ZKSCAN5: variants seen among roughly 807,000 people sequenced by gnomAD.
The protein encoded by ZKSCAN5 is zinc finger protein with KRAB and SCAN domains 5.
Under a neutral mutation model 60.0 loss-of-function variants are expected in ZKSCAN5, and 28 were observed. The ratio of observed to expected loss-of-function variants is 0.47; its 90% CI spans 0.35 to 0.64. The LOEUF is 0.64. Ranked by LOEUF, ZKSCAN5 falls within the 30% of genes least tolerant of loss-of-function variation. ZKSCAN5 has a pLI of 0.01. For missense variants in ZKSCAN5, 881 were observed against 1,034.6 expected (o/e 0.85, Z 2.04); for synonymous variants, 361 against 371.2 (o/e 0.97, Z 0.31).
intron 2 of ZKSCAN5, among the ~76,000 whole-genome samples, chr7:99,510,315 C>T (rs1236357712): frequency 6.6e-6 from 1 of 152,046 alleles, no homozygotes; most frequent in African/African-American, 2.4e-5. Context: ...TCTTGGCTTA[C>T]TGCAACCTCT....
chr7:99,518,785 C>G (rs554272429), intron 3 of ZKSCAN5, among the ~76,000 whole-genome samples: 21 of 146,458 alleles, frequency 1.4e-4, no homozygotes, highest in Non-Finnish European at 2.7e-4. Flanking sequence ...AAGTGATTCT[C>G]CTGCCTCAGT....
chr7:99,517,668 G>A (rs979113095), intron 3 of ZKSCAN5, among the ~76,000 whole-genome samples: 3 of 151,936 alleles, frequency 2.0e-5, no homozygotes, highest in African/African-American at 7.2e-5. Context: ...GCAACAGAGC[G>A]AGACTCCATC....
In ZKSCAN5 at chr7:99,534,699, A is replaced by G. The variant is rs1374865864; in HGVS notation, c.*2450A>G. The G allele has an allele frequency of 3.4e-5, 5 of 147,298 alleles. No individual in the cohort carries two copies. The highest frequency in any genetic ancestry group is 1.3e-4 in the African/African-American group (5 of 38,614). The allele number at this position is 147,298 out of a possible 1,614,324, so 9.1% of individuals were successfully genotyped here. ...TAAAAAAAAAAAAAAAAAAAAAAAA[A>G]ACATTTTTTGGAGAGATGGTATCTC... is the stretch of plus-strand genomic sequence containing the variant. On this transcript the variant is annotated 3_prime_UTR_variant, in exon 7 of 7. Coordinates refer to ENST00000326775, the MANE Select transcript of ZKSCAN5 (RefSeq NM_145102.4).
At chr7:99,507,038 G>A (rs1800769141) in intron 2 of ZKSCAN5, among the ~76,000 whole-genome samples, 1 of 151,938 alleles carries the variant, frequency 6.6e-6, no homozygotes, top group Middle Eastern at 3.2e-3. Context: ...AATTCAAAGA[G>A]GTACATAAGG....
At chr7:99,530,374 G>A (rs558301200) in intron 6 of ZKSCAN5, among the ~76,000 whole-genome samples, 1 of 152,210 alleles carries the variant, frequency 6.6e-6, no homozygotes, top group Admixed American at 6.5e-5. Context: ...CAGGAGTAAG[G>A]CAGTACCTTA....
In ZKSCAN5 at chr7:99,533,728, TC is replaced by T. The variant is rs1339743135; in HGVS notation, c.*1480del. 7.5e-6 allele frequency: 3 copies of T among 398,586 alleles called. No individual in the cohort carries two copies. Among genetic ancestry groups the T allele is most frequent in the African/African-American group, 6.2e-5 (3 of 48,658 alleles). The allele number at this position is 398,586 out of a possible 1,614,324, so 24.7% of individuals were successfully genotyped here. On this transcript the variant is annotated 3_prime_UTR_variant, in exon 7 of 7. Coordinates refer to ENST00000326775, the MANE Select transcript of ZKSCAN5 (RefSeq NM_145102.4). ...TTGGATCAGGCCAAGCTAGACTTTT[TC>T]TGAGCCTTCATCCGTGCTAAGCTCT...
Position 99,531,871 on chromosome 7 carries a change from G to A in ZKSCAN5, c.2142G>A (p.Glu714=), listed in dbSNP as rs1162967044. The A allele has an allele frequency of 6.2e-7, 1 of 1,614,170 alleles. No homozygotes were observed. The highest frequency in any genetic ancestry group is 1.7e-5 in the Admixed American group (1 of 60,022). The part of the protein sequence containing the change: ...VIEDKKIELQ[E]QPYQCDICGK... ...AAGACAAGAAGATTGAGTTACAAGA[G>A]CAGCCTTATCAGTGTGATATCTGTG... is the stretch of plus-strand genomic sequence containing the variant. The change falls in exon 7 of 7, where the codon GAG becomes GAA. Residue 714 remains glutamate, a synonymous_variant. Coordinates refer to ENST00000326775, the MANE Select transcript of ZKSCAN5 (RefSeq NM_145102.4).
At chr7:99,513,302 G>A (rs935671595) in intron 3 of ZKSCAN5, among the ~76,000 whole-genome samples, 13 of 151,762 alleles carry the variant, frequency 8.6e-5, no homozygotes, top group African/African-American at 3.1e-4. Flanking sequence ...AACCTACAAC[G>A]CAAATGATGA....
Position 99,526,069 on chromosome 7 carries a change from G to A in ZKSCAN5, c.1029G>A (p.Glu343=). 1 of 1,614,224 alleles carries A rather than the reference G, an allele frequency of 6.2e-7. No homozygotes were observed. Among genetic ancestry groups the A allele is most frequent in the Non-Finnish European group, 8.5e-7 (1 of 1,180,042 alleles). Residue 343 remains glutamate (E), a synonymous_variant, in exon 6 of 7, where the codon GAG becomes GAA. Transcript: ENST00000326775. ...DISPKQSTHG[E]RGHRCSDCGK... Reference sequence around the variant, plus strand: ...GCCCTAAGCAAAGCACACATGGCGAGAGAGGGCACAGATGCAGCGATTGTG... The same window carrying A: ...GCCCTAAGCAAAGCACACATGGCGAAAGAGGGCACAGATGCAGCGATTGTG...
intron 2 of ZKSCAN5, 58 bp downstream of exon 2, chr7:99,506,516 C>T: frequency 1.3e-6 from 2 of 1,531,898 alleles, no homozygotes; most frequent in Non-Finnish European, 1.8e-6. Flanking sequence ...ATCTGCTGAG[C>T]AGGGGTGAGA....
At chr7:99,521,060 A>C (rs1491002562) in intron 5 of ZKSCAN5, among the ~76,000 whole-genome samples, 1 of 152,176 alleles carries the variant, frequency 6.6e-6, no homozygotes, top group African/African-American at 2.4e-5. Context: ...GCAGTTATAA[A>C]AATCTCAGCA....
intron 5 of ZKSCAN5, 78 bp downstream of exon 5, chr7:99,520,382 T>C: frequency 2.0e-6 from 3 of 1,475,960 alleles, no homozygotes; most frequent in Non-Finnish European, 1.8e-6. Context: ...GCTCATCTTA[T>C]AATGGCATTT....
intron 2 of ZKSCAN5, among the ~76,000 whole-genome samples, chr7:99,507,490 T>C (rs745626429): frequency 6.8e-6 from 1 of 146,012 alleles, no homozygotes; most frequent in Admixed American, 7.0e-5. Flanking sequence ...TGTGTATATA[T>C]GTATATATGT....
chr7:99,522,896 G>A (rs923526920), intron 5 of ZKSCAN5, among the ~76,000 whole-genome samples: 3 of 150,574 alleles, frequency 2.0e-5, no homozygotes, highest in East Asian at 2.0e-4. Flanking sequence ...GGGCCGTGGT[G>A]TCTCATGCCT....
At chr7:99,519,041 T>C (rs1173520060) in intron 3 of ZKSCAN5, among the ~76,000 whole-genome samples, 1 of 149,366 alleles carries the variant, frequency 6.7e-6, no homozygotes, top group Non-Finnish European at 1.5e-5. Flanking sequence ...AGTGGCACGA[T>C]CTTGGCTCAC....
intron 3 of ZKSCAN5, chr7:99,513,727 TA>T (rs1184711543): frequency 1.7e-5 from 6 of 354,940 alleles, no homozygotes; most frequent in African/African-American, 2.2e-5. Flanking sequence ...ATGCTTATGT[TA>T]AAAAAACAAA....
At chr7:99,517,860 AG>A (rs1475278737) in intron 3 of ZKSCAN5, among the ~76,000 whole-genome samples, 3 of 149,100 alleles carry the variant, frequency 2.0e-5, no homozygotes, top group Admixed American at 6.7e-5. Flanking sequence ...AAAAAAAAAA[AG>A]AAAGTTTACA....
At chr7:99,519,299 A>G (rs1801412810) in intron 3 of ZKSCAN5, among the ~76,000 whole-genome samples, 2 of 134,246 alleles carry the variant, frequency 1.5e-5, no homozygotes, top group Admixed American at 8.2e-5. Flanking sequence ...TTTTTCTGAG[A>G]CAGTGGCTGA....
rs1802020446 is a variant in ZKSCAN5, at chr7:99,531,128, A to AAC, written c.1403_1404dup (p.Lys469GlnfsTer3). On this transcript the variant is annotated frameshift_variant, in exon 7 of 7. Transcript: ENST00000326775. LOFTEE classifies it high-confidence loss of function. Reference sequence around the variant, plus strand: ...TTTAGGCAGTGACAAAAGAAGTAAGAACACAAAATTAAGTGTTAAGAAGAA... The same window carrying AAC: ...TTTAGGCAGTGACAAAAGAAGTAAGAACACACAAAATTAAGTGTTAAGAAGAA... 1 of 1,588,206 alleles carries AAC rather than the reference A, an allele frequency of 6.3e-7. No individual in the cohort carries two copies. Among genetic ancestry groups the AAC allele is most frequent in the Admixed American group, 1.9e-5 (1 of 52,898 alleles).
Sources: gnomAD v4.1 joint callset for allele counts (sites outside exome capture counted in the v4.1 genomes callset) on GRCh38, gnomAD v4.1.1 for gene constraint, MANE v1.5 for transcripts, NCBI Gene and HGNC (gene_info 2026-07-23, HGNC 2026-07-21) for gene names.